DLG2: variants seen among roughly 807,000 people sequenced by gnomAD.
DLG2 encodes the protein disks large homolog 2.
DLG2 carries 45 observed loss-of-function variants against 132.5 expected under a neutral mutation model. The ratio of observed to expected loss-of-function variants is 0.34; its 90% CI spans 0.27 to 0.44. The LOEUF is 0.44. Among genes scored for constraint, DLG2 ranks in the 20% least tolerant of loss-of-function variants. The pLI, the probability that DLG2 is intolerant of heterozygous loss-of-function variation, is 1.00. For synonymous variants in DLG2, 424 were observed against 419.6 expected, an observed-to-expected ratio of 1.01 and a Z score of -0.13; for missense variants, 1,045 against 1,196.9, an observed-to-expected ratio of 0.87 and a Z score of 1.87.
intron 3 of DLG2, among the ~76,000 whole-genome samples, chr11:85,483,030 G>A (rs1297871261): frequency 1.3e-5 from 2 of 152,162 alleles, no homozygotes; most frequent in Admixed American, 6.5e-5. Context: ...GAAAGACAAA[G>A]CGTAGCAGAA....
chr11:84,715,171 C>G (rs74937313), intron 6 of DLG2, among the ~76,000 whole-genome samples: 8 of 152,038 alleles, frequency 5.3e-5, no homozygotes, highest in Non-Finnish European at 1.2e-4. Context: ...ATGTGTCCTA[C>G]GGGCTTCACA....
At chr11:85,058,819 G>A (rs2063728176) in intron 6 of DLG2, among the ~76,000 whole-genome samples, 1 of 151,276 alleles carries the variant, frequency 6.6e-6, no homozygotes, top group East Asian at 1.9e-4. Flanking sequence ...ATCCATATGA[G>A]GGAAAATGAA....
chr11:83,498,471 A>T (rs1486259874), intron 21 of DLG2, among the ~76,000 whole-genome samples: 1 of 152,090 alleles, frequency 6.6e-6, no homozygotes, highest in African/African-American at 2.4e-5. Context: ...TCAAAGAAGA[A>T]ATCACAAGAG....
chr11:83,817,745 G>A (rs2049451451), intron 17 of DLG2, among the ~76,000 whole-genome samples: 4 of 151,946 alleles, frequency 2.6e-5, no homozygotes, highest in Non-Finnish European at 4.4e-5. Context: ...GTATGGTGAT[G>A]CATGTTCATA....
At chr11:85,500,424 G>C (rs2093771753) in intron 3 of DLG2, among the ~76,000 whole-genome samples, 2 of 144,984 alleles carry the variant, frequency 1.4e-5, no homozygotes. Flanking sequence ...ATAGCATTGG[G>C]AGATATACCT....
intron 19 of DLG2, among the ~76,000 whole-genome samples, chr11:83,627,296 T>C (rs184503802): frequency 0.016 from 2,377 of 152,176 alleles, 73 homozygotes; most frequent in African/African-American, 0.054. Flanking sequence ...CATGTTGGTG[T>C]GCTGCACCCA....
At chr11:84,418,645 G>A (rs544568632) in intron 7 of DLG2, among the ~76,000 whole-genome samples, 50 of 152,194 alleles carry the variant, frequency 3.3e-4, no homozygotes, top group African/African-American at 1.2e-3. Context: ...ATGCAATTAG[G>A]TGCTGCTACC....
At chr11:84,057,135 C>A (rs2096517114) in intron 11 of DLG2, among the ~76,000 whole-genome samples, 1 of 152,136 alleles carries the variant, frequency 6.6e-6, no homozygotes, top group South Asian at 2.1e-4. Context: ...CCACTCCGGG[C>A]TCAAGGAAGA....
chr11:83,854,794 T>C (rs1167388022), intron 16 of DLG2, among the ~76,000 whole-genome samples: 7 of 152,084 alleles, frequency 4.6e-5, no homozygotes, highest in Non-Finnish European at 8.8e-5. Context: ...TTAACATATG[T>C]AAACATATGG....
intron 8 of DLG2, among the ~76,000 whole-genome samples, chr11:84,173,811 G>C (rs1383639443): frequency 6.6e-6 from 1 of 151,972 alleles, no homozygotes; most frequent in African/African-American, 2.4e-5. Flanking sequence ...CTTTCATACA[G>C]TATTTGGCAC....
chr11:84,022,875 A>C (rs1360071657), intron 11 of DLG2, among the ~76,000 whole-genome samples: 1 of 152,164 alleles, frequency 6.6e-6, no homozygotes, highest in African/African-American at 2.4e-5. Context: ...AGGAGCAATA[A>C]ATCTCTCCTG....
chr11:84,340,715 C>A (rs2098510569), intron 7 of DLG2, among the ~76,000 whole-genome samples: 1 of 152,096 alleles, frequency 6.6e-6, no homozygotes, highest in Admixed American at 6.6e-5. Flanking sequence ...TGCAGGGAAA[C>A]AAAATCACTG....
At chr11:84,156,338 T>C (rs1306514035) in intron 9 of DLG2, among the ~76,000 whole-genome samples, 2 of 152,194 alleles carry the variant, frequency 1.3e-5, no homozygotes, top group Admixed American at 6.5e-5. Context: ...TAATAGCTTA[T>C]ATAACCCCAA....
At chr11:84,647,216 C>T (rs561674259) in intron 6 of DLG2, among the ~76,000 whole-genome samples, 2 of 152,028 alleles carry the variant, frequency 1.3e-5, no homozygotes, top group East Asian at 1.9e-4. Flanking sequence ...TAGAAAGGTA[C>T]GTACAATTAT....
At chr11:84,474,624 C>A (rs896859926) in intron 7 of DLG2, among the ~76,000 whole-genome samples, 3 of 151,962 alleles carry the variant, frequency 2.0e-5, no homozygotes, top group South Asian at 2.1e-4. Context: ...ATAAATTTGT[C>A]CAAATTAACA....
At chr11:83,498,552 A>G (rs2094273302) in intron 21 of DLG2, among the ~76,000 whole-genome samples, 1 of 151,922 alleles carries the variant, frequency 6.6e-6, no homozygotes, top group Admixed American at 6.6e-5. Flanking sequence ...TGTAGCTAAC[A>G]CTGTACTTAG....
chr11:84,112,837 C>T (rs2093434564), intron 9 of DLG2, among the ~76,000 whole-genome samples: 1 of 152,170 alleles, frequency 6.6e-6, no homozygotes. Flanking sequence ...GTAATCATTT[C>T]TGCTGTGTTC....
intron 3 of DLG2, among the ~76,000 whole-genome samples, chr11:85,432,679 C>A (rs72951976): frequency 1.1e-4 from 17 of 152,018 alleles, no homozygotes; most frequent in African/African-American, 3.9e-4. Context: ...CATAAAATGA[C>A]CGCAGCTACA....
intron 7 of DLG2, among the ~76,000 whole-genome samples, chr11:84,436,466 A>G (rs1185848475): frequency 2.0e-5 from 3 of 152,212 alleles, no homozygotes; most frequent in Non-Finnish European, 4.4e-5. Context: ...ATGAGTTTAC[A>G]TAAAGCAGTA....
Sources: gnomAD v4.1 joint callset for allele counts (sites outside exome capture counted in the v4.1 genomes callset) on GRCh38, gnomAD v4.1.1 for gene constraint, MANE v1.5 for transcripts, NCBI Gene and HGNC (gene_info 2026-07-23, HGNC 2026-07-21) for gene names.